The following UBAC2 variants were observed in gnomAD, a reference collection of about 807,000 sequenced individuals.
UBAC2 encodes UBA domain containing 2, also known as ubiquitin-associated domain-containing protein 2.
Under a neutral mutation model 44.0 loss-of-function variants are expected in UBAC2, and 26 were observed. That is an observed-to-expected ratio of 0.59 (90% CI 0.43 to 0.82). The LOEUF (loss-of-function observed/expected upper bound fraction) is 0.82. UBAC2 is among the 40% of genes least tolerant of loss of function. The pLI is 0.00. For synonymous variants in UBAC2, 155 were observed against 154.3 expected, an observed-to-expected ratio of 1.00 and a Z score of -0.04; for missense variants, 329 against 419.4, an observed-to-expected ratio of 0.78 and a Z score of 1.88.
At chr13:99,219,284 T>G (rs1250274538) in intron 1 of UBAC2, among the ~76,000 whole-genome samples, 2 of 152,248 alleles carry the variant, frequency 1.3e-5, no homozygotes, top group Non-Finnish European at 2.9e-5. Flanking sequence ...GACTAAGCTT[T>G]GCAAGGCCTG....
rs869112086 is a variant in UBAC2, at chr13:99,338,047, C to CTTTTTTT, written c.562-2251_562-2245dup. 7.6e-3 allele frequency among the ~76,000 whole-genome samples: 372 copies of CTTTTTTT among 48,768 alleles called. 3 individuals carry two copies. The highest frequency in any genetic ancestry group is 0.02 in the Middle Eastern group (1 of 50). 32.0% of individuals were successfully genotyped at this position (48,768 alleles called of 152,430 possible). On this transcript the variant is annotated intron_variant, in intron 6 of 8. Coordinates refer to ENST00000403766, the MANE Select transcript of UBAC2 (RefSeq NM_001144072.2). ...ATCTCCTAACTTTTTTTCTTTTTTT[C>CTTTTTTT]TTTTTTTTTTTTTTTTTTTTTTTTT...
chr13:99,314,320 T>G, intron 5 of UBAC2, 100 bp downstream of exon 5: 2 of 1,369,724 alleles, frequency 1.5e-6, no homozygotes, highest in South Asian at 3.1e-5. Context: ...ACAATGGTTT[T>G]TTTCCCCCCA....
At chr13:99,202,653 A>G (rs2142629407) in intron 1 of UBAC2, among the ~76,000 whole-genome samples, 1 of 152,334 alleles carries the variant, frequency 6.6e-6, no homozygotes, top group East Asian at 1.9e-4. Flanking sequence ...CATGGTGGTG[A>G]GTGTTGAATT....
At chr13:99,205,036 A>G (rs894000505) in intron 1 of UBAC2, among the ~76,000 whole-genome samples, 1 of 150,486 alleles carries the variant, frequency 6.6e-6, no homozygotes, top group Admixed American at 6.7e-5. Flanking sequence ...CCTGAGTAGC[A>G]GGGACTATAG....
At chr13:99,276,115 A>C (rs1019870094) in intron 4 of UBAC2, among the ~76,000 whole-genome samples, 2 of 152,186 alleles carry the variant, frequency 1.3e-5, no homozygotes, top group Non-Finnish European at 2.9e-5. Context: ...GCTTCTAAAT[A>C]ATAAATCTCC....
rs574101676 is a variant in UBAC2, at chr13:99,378,519, T to C, written c.928-6709T>C. Among the ~76,000 whole-genome samples the C allele has an allele frequency of 2.0e-5, 3 of 152,332 alleles. No individual in the cohort carries two copies. In the South Asian group the frequency reaches 6.2e-4, roughly 32 times the overall value. ...TCCAACCTGGGTGACTGAGCAAGAC[T>C]CTGTCTCAAAAATAAAATAAAAAAT... On this transcript the variant is annotated intron_variant, in intron 8 of 8. Coordinates refer to ENST00000403766, the MANE Select transcript of UBAC2 (RefSeq NM_001144072.2).
At chr13:99,371,202 T>C (rs1455702565) in intron 8 of UBAC2, among the ~76,000 whole-genome samples, 1 of 151,522 alleles carries the variant, frequency 6.6e-6, no homozygotes, top group Non-Finnish European at 1.5e-5. Context: ...CATCCCAGAA[T>C]GACAACAGCG....
intron 4 of UBAC2, among the ~76,000 whole-genome samples, chr13:99,310,276 G>A (rs988024361): frequency 2.0e-5 from 3 of 152,208 alleles, no homozygotes; most frequent in African/African-American, 4.8e-5. Flanking sequence ...ACAGTGAGCC[G>A]TGATTATGCC....
intron 6 of UBAC2, among the ~76,000 whole-genome samples, chr13:99,336,265 C>T (rs2044787458): frequency 6.6e-6 from 1 of 152,152 alleles, no homozygotes; most frequent in East Asian, 1.9e-4. Context: ...ATTCTGAATA[C>T]TTTCTTCAGG....
chr13:99,363,232 A>T (rs969181893), intron 7 of UBAC2, among the ~76,000 whole-genome samples: 1 of 152,186 alleles, frequency 6.6e-6, no homozygotes, highest in Non-Finnish European at 1.5e-5. Context: ...CATGACTTTA[A>T]TTACTGCAGT....
At chr13:99,317,972 G>T in intron 5 of UBAC2, 50 bp from the exon 6 acceptor site, 1 of 1,458,504 alleles carries the variant, frequency 6.9e-7, no homozygotes, top group South Asian at 1.2e-5. Flanking sequence ...AGTGTGCTGT[G>T]ACTGGCAGTT....
chr13:99,329,037 G>C (rs1291599936), intron 6 of UBAC2, among the ~76,000 whole-genome samples: 1 of 152,160 alleles, frequency 6.6e-6, no homozygotes, highest in African/African-American at 2.4e-5. Context: ...ATACTCATTT[G>C]TTCCATTACC....
chr13:99,285,691 C>T (rs2044010266), intron 4 of UBAC2, among the ~76,000 whole-genome samples: 1 of 152,200 alleles, frequency 6.6e-6, no homozygotes. Flanking sequence ...CATGCCCGGC[C>T]AGCTGGCTCA....
intron 8 of UBAC2, chr13:99,372,689 A>G (rs2045423430): frequency 6.6e-6 from 1 of 152,616 alleles, no homozygotes; most frequent in South Asian, 2.1e-4. Flanking sequence ...TAGACAAGAA[A>G]GAGGAGGAGG....
chr13:99,362,096 A>G (rs529925601), intron 7 of UBAC2, among the ~76,000 whole-genome samples: 3 of 152,198 alleles, frequency 2.0e-5, no homozygotes, highest in Non-Finnish European at 4.4e-5. Flanking sequence ...TATTATTTAC[A>G]TAAACTACAT....
chr13:99,246,359 T>C (rs1363450664), intron 4 of UBAC2, among the ~76,000 whole-genome samples: 2 of 152,234 alleles, frequency 1.3e-5, no homozygotes, highest in Non-Finnish European at 2.9e-5. Flanking sequence ...AGTATTCTGT[T>C]ATTGGGGAAA....
At chr13:99,306,202 A>C (rs1489319867) in intron 4 of UBAC2, among the ~76,000 whole-genome samples, 1 of 152,138 alleles carries the variant, frequency 6.6e-6, no homozygotes, top group African/African-American at 2.4e-5. Flanking sequence ...AGCCTGATTC[A>C]GGGTCTTTAT....
At chr13:99,271,156 A>G (rs58955687) in intron 4 of UBAC2, among the ~76,000 whole-genome samples, 1 of 152,158 alleles carries the variant, frequency 6.6e-6, no homozygotes, top group African/African-American at 2.4e-5. Context: ...AAAAATTTGT[A>G]ATATATATAT....
chr13:99,246,459 A>G (rs1406671604), intron 4 of UBAC2, among the ~76,000 whole-genome samples: 1 of 152,120 alleles, frequency 6.6e-6, no homozygotes, highest in Non-Finnish European at 1.5e-5. Flanking sequence ...ATCTCCTATC[A>G]GGCCAGTTCT....
Sources: allele counts gnomAD v4.1 joint callset (sites outside exome capture counted in the v4.1 genomes callset), GRCh38; gene constraint gnomAD v4.1.1; transcripts MANE v1.5; gene names NCBI Gene and HGNC (gene_info 2026-07-23, HGNC 2026-07-21).